Variants in POLRMT observed in about 807,000 individuals in gnomAD.
POLRMT encodes the protein RNA polymerase mitochondrial, also known as DNA-directed RNA polymerase, mitochondrial.
In POLRMT, 114 loss-of-function variants were observed where a neutral mutation model predicts 132.2. The observed-to-expected ratio is 0.86, with a 90% CI of 0.74 to 1.01. The LOEUF is 1.01. Among genes scored for constraint, POLRMT ranks in the 50% least tolerant of loss-of-function variants. POLRMT has a pLI of 0.00. For missense variants in POLRMT, 2,003 were observed against 1,729.1 expected (o/e 1.16, Z -2.81); for synonymous variants, 1,020 against 773.4 (o/e 1.32, Z -5.29).
In POLRMT at chr19:622,746, G is replaced by C; in HGVS notation, c.1462C>G (p.Gln488Glu). 4 of 1,588,374 alleles carry C rather than the reference G, an allele frequency of 2.5e-6. No homozygotes were observed. Among genetic ancestry groups the C allele is most frequent in the Non-Finnish European group, 3.4e-6 (4 of 1,169,102 alleles). ...GACTCACCTTGGGCGGGCAGCGCCT[G>C]CAGGACCTGCGGAAGGCAGCCGTGA... ...EVVRMLLQVL[Q>E]ALPAQGESFT... The change falls in exon 8 of 21, where the codon CAG becomes GAG. Residue 488 changes from glutamine to glutamate, a missense_variant. Physicochemically the swap from Gln to Glu is conservative, Grantham distance 29. Transcript: ENST00000588649.
Position 623,512 on chromosome 19 carries a change from C to T in POLRMT, c.1232G>A (p.Arg411Lys). 6.2e-7 allele frequency: 1 copy of T among 1,613,470 alleles called. No individual in the cohort carries two copies. The highest frequency in any genetic ancestry group is 1.3e-5 in the African/African-American group (1 of 75,068). Residue 411 changes from arginine (R) to lysine (K), a missense_variant, in exon 6 of 21, where the codon AGG becomes AAG. By Grantham distance (26) the Arg-to-Lys change is conservative. Transcript: ENST00000588649. ...CTTCTCCACGGACACCACGCACACC[C>T]TGCTGGCCAGCTCCATGTGGAGCTG... ...EKQLHMELAS[R>K]VCVVSVEKPT...
rs1985301745 is a variant in POLRMT at position 630,061 on chromosome 19, G to A, written c.301C>T (p.Leu101Phe). 1 of 1,613,832 alleles carries A rather than the reference G, an allele frequency of 6.2e-7. No homozygotes were observed. Residue 101 changes from leucine (L) to phenylalanine (F), a missense_variant, in exon 3 of 21, where the codon CTC becomes TTC. Leu to Phe is a conservative substitution (Grantham distance 22, BLOSUM62 0). Coordinates refer to ENST00000588649, the MANE Select transcript of POLRMT (RefSeq NM_005035.4). Reference protein sequence around the residue: ...LPECGSGDGSLQPPRKVQMGA... With the variant: ...LPECGSGDGSFQPPRKVQMGA... ...ATCTGGACCTTCCTGGGTGGCTGGAGGCTACCATCTCCACTGCCACATTCT... is the reference window on the plus strand; with the variant it reads ...ATCTGGACCTTCCTGGGTGGCTGGAAGCTACCATCTCCACTGCCACATTCT...
chr19:631,835 G>A (rs939551230), intron 2 of POLRMT, among the ~76,000 whole-genome samples: 16 of 152,054 alleles, frequency 1.1e-4, no homozygotes, highest in Admixed American at 5.2e-4. Context: ...TCCACCTTCC[G>A]GGTTCAAGCG....
chr19:618,905 C>T, intron 15 of POLRMT, 92 bp downstream of exon 15: 1 of 1,357,058 alleles, frequency 7.4e-7, no homozygotes, highest in African/African-American at 1.4e-5. Flanking sequence ...CGGTGGTACA[C>T]TGGGGTGGTG....
At position 617,584 on chromosome 19, in the gene POLRMT, C is replaced by G; in HGVS notation, c.3567G>C (p.Lys1189Asn). ...GAGCGCCTTACTCAGAGCAGAACCG[C>G]TTGACCAGGAATCTGGACAGGTCCT... ...ILQDLSRFLV[K>N]RFCSEPQKIL... The change falls in exon 19 of 21, where the codon AAG (lysine) becomes AAC (asparagine). Residue 1189 changes from lysine to asparagine, a missense_variant. Coordinates refer to ENST00000588649, the MANE Select transcript of POLRMT (RefSeq NM_005035.4). 6.2e-7 allele frequency: 1 copy of G among 1,612,150 alleles called. No homozygotes were observed. Among genetic ancestry groups the G allele is most frequent in the Non-Finnish European group, 8.5e-7 (1 of 1,179,998 alleles).
At chr19:623,968 A>G (rs1194790727) in intron 5 of POLRMT, among the ~76,000 whole-genome samples, 1 of 152,240 alleles carries the variant, frequency 6.6e-6, no homozygotes, top group African/African-American at 2.4e-5. Flanking sequence ...AGATGAATTA[A>G]AAATAACAAC....
At chr19:630,434 G>A (rs1468488172) in intron 2 of POLRMT, among the ~76,000 whole-genome samples, 2 of 151,988 alleles carry the variant, frequency 1.3e-5, no homozygotes, top group South Asian at 2.1e-4. Flanking sequence ...GCAGCACCAC[G>A]TCTCCCCGGT....
In POLRMT at chr19:633,529, G is replaced by GGAGCCGCCGCCGCC. The variant is rs1555678400; in HGVS notation, c.-18_-17insGGCGGCGGCGGCTC. On this transcript the variant is annotated 5_prime_UTR_variant, in exon 1 of 21. Coordinates refer to ENST00000588649, the MANE Select transcript of POLRMT (RefSeq NM_005035.4). ...TGCCGACATTACGCACGCCGCTCCA[G>GGAGCCGCCGCCGCC]GCCACCCCACCGGCCCGCGCCTGCG... 4.1e-6 allele frequency: 6 copies of GGAGCCGCCGCCGCC among 1,464,012 alleles called. No homozygotes were observed. Among genetic ancestry groups the GGAGCCGCCGCCGCC allele is most frequent in the Middle Eastern group, 2.5e-4 (1 of 4,038 alleles). The allele number at this position is 1,464,012 out of a possible 1,614,324, so 90.7% of individuals were successfully genotyped here. A position where few individuals can be genotyped will look rare whatever the true frequency, so the allele number is the denominator to read the frequency against.
In POLRMT at chr19:622,964, G is replaced by A. The variant is rs553666754; in HGVS notation, c.1312C>T (p.Arg438Trp). Reference protein sequence around the residue: ...KHARKTLKTLRDQWEKALCRA... With the variant: ...KHARKTLKTLWDQWEKALCRA... ...CACAGTGCTTTCTCCCATTGGTCCC[G>A]CAGGGTCTTCAGGGTCTTCCGCTGC... is the stretch of plus-strand genomic sequence containing the variant. The change falls in exon 7 of 21, where the codon CGG becomes TGG. Residue 438 changes from arginine to tryptophan, a missense_variant. By Grantham distance (101) the Arg-to-Trp change is moderately radical (BLOSUM62 -3). Transcript: ENST00000588649. The A allele has an allele frequency of 3.2e-5, 52 of 1,612,740 alleles. 1 individual carries two copies. The Admixed American group carries it at 4.7e-4, about 14-fold the overall frequency.
intron 17 of POLRMT, 33 bp from the exon 18 acceptor site, chr19:617,882 G>T: frequency 6.2e-7 from 1 of 1,600,750 alleles, no homozygotes; most frequent in Non-Finnish European, 8.5e-7. Flanking sequence ...TGAAGGGAGG[G>T]GAGCTCACAG....
Position 619,078 on chromosome 19 carries a change from G to C in POLRMT, c.3186C>G (p.Ser1062=), listed in dbSNP as rs778496552. Reference sequence around the variant, plus strand: ...CCCACTCCACCACAGAGCCCATGTGGGAGATGAGGCGGGCACTCTCGGTCA... The same window carrying C: ...CCCACTCCACCACAGAGCCCATGTGCGAGATGAGGCGGGCACTCTCGGTCA... ...HWLTESARLI[S]HMGSVVEWVT... The change falls in exon 15 of 21, where the codon TCC becomes TCG. Residue 1062 remains serine (S), a synonymous_variant. Coordinates refer to ENST00000588649, the MANE Select transcript of POLRMT (RefSeq NM_005035.4). 1 of 1,610,886 alleles carries C rather than the reference G, an allele frequency of 6.2e-7. No homozygotes were observed. The highest frequency in any genetic ancestry group is 1.3e-5 in the African/African-American group (1 of 74,684).
intron 17 of POLRMT, 84 bp downstream of exon 17, chr19:618,404 G>A (rs1269357331): frequency 2.7e-6 from 3 of 1,108,372 alleles, no homozygotes; most frequent in South Asian, 1.5e-5. Flanking sequence ...CCCCCAGCTA[G>A]ACCCAGCCTT....
chr19:617,682 G>C (rs571929257), intron 18 of POLRMT, 27 bp from the exon 19 acceptor site: 5 of 1,612,042 alleles, frequency 3.1e-6, no homozygotes, highest in South Asian at 1.1e-5. Context: ...GGATCCCCAG[G>C]GGTGATCAGG....
intron 3 of POLRMT, among the ~76,000 whole-genome samples, chr19:625,741 G>A (rs1430693411): frequency 1.3e-5 from 2 of 152,142 alleles, no homozygotes; most frequent in Admixed American, 1.3e-4. Context: ...TTGCTCTGTT[G>A]CCCAGGCTGG....
In POLRMT at chr19:617,872, TGAAG is replaced by T. The variant is rs772690140; in HGVS notation, c.3423-27_3423-24del. 27 of 1,610,940 alleles carry T rather than the reference TGAAG, an allele frequency of 1.7e-5. No individual in the cohort carries two copies. In the East Asian group the frequency reaches 2.0e-4, roughly 12 times the overall value. On this transcript the variant is annotated intron_variant, in intron 17 of 20. Coordinates refer to ENST00000588649, the MANE Select transcript of POLRMT (RefSeq NM_005035.4). ...TTCCTGTGGCAGAGCGGAGGACTCCTGAAGGGAGGGGAGCTCACAGGGCCACCCA... is the reference window on the plus strand; with the variant it reads ...TTCCTGTGGCAGAGCGGAGGACTCCTGGAGGGGAGCTCACAGGGCCACCCA...
chr19:622,630 C>A lies in POLRMT; in HGVS notation c.1578G>T (p.Leu526=). The A allele has an allele frequency of 1.2e-6, 2 of 1,607,366 alleles. No homozygotes were observed. Among genetic ancestry groups the A allele is most frequent in the Non-Finnish European group, 8.5e-7 (1 of 1,178,402 alleles). The change falls in exon 8 of 21, where the codon CTG becomes CTT. Residue 526 remains leucine (L), a synonymous_variant. Coordinates refer to ENST00000588649, the MANE Select transcript of POLRMT (RefSeq NM_005035.4). ...AGAGGTACTTCCTGTAGTGGTTCTG[C>A]AGCGCCTGCACCTGGCCACTGACCC... The part of the protein sequence containing the change: ...RQRVSGQVQA[L]QNHYRKYLCL...
rs1332442934 is a variant in POLRMT, at chr19:619,299, G to A, written c.3067-3C>T. ...TGAGAGGCCTCCCACACGAACTCCT[G>A]CAGAGGGCGGGCAGCAGGTGCAGGT... On this transcript the variant is annotated splice_region_variant and splice_polypyrimidine_tract_variant and intron_variant, in intron 13 of 20. Coordinates refer to ENST00000588649, the MANE Select transcript of POLRMT (RefSeq NM_005035.4). 7 of 1,608,764 alleles carry A rather than the reference G, an allele frequency of 4.4e-6. No individual in the cohort carries two copies. Among genetic ancestry groups the A allele is most frequent in the Non-Finnish European group, 5.9e-6 (7 of 1,179,410 alleles).
Position 622,003 on chromosome 19 carries a change from G to C in POLRMT, c.1851+146C>G. The C allele has an allele frequency of 7.1e-6, 8 of 1,129,638 alleles. No homozygotes were observed. In the South Asian group the frequency reaches 1.3e-4, roughly 18 times the overall value. 70.0% of individuals were successfully genotyped at this position (1,129,638 alleles called of 1,614,324 possible). On this transcript the variant is annotated intron_variant, in intron 9 of 20. Transcript: ENST00000588649. The stretch of plus-strand genomic sequence containing the variant: ...CACCTCCAGAAACGGCCGGACACCT[G>C]CATGGACACCCATGGTGTGTCCCGA...
intron 15 of POLRMT, 70 bp downstream of exon 15, chr19:618,927 C>T: frequency 7.2e-7 from 1 of 1,381,452 alleles, no homozygotes. Flanking sequence ...TACGCTGGGG[C>T]ACTGGTACAC....
Sources: gnomAD v4.1 joint callset for allele counts (sites outside exome capture counted in the v4.1 genomes callset) on GRCh38, gnomAD v4.1.1 for gene constraint, MANE v1.5 for transcripts, NCBI Gene and HGNC (gene_info 2026-07-23, HGNC 2026-07-21) for gene names.